Variants in ZNF599 observed in about 807,000 individuals in gnomAD.
ZNF599 encodes zinc finger protein 599.
A neutral mutation model predicts 11.7 loss-of-function variants in ZNF599; 10 were observed. The ratio of observed to expected loss-of-function variants is 0.86; its 90% confidence interval spans 0.53 to 1.45. The LOEUF (loss-of-function observed/expected upper bound fraction) is 1.45, where lower values mean the gene tolerates loss of function less well. Ranked by LOEUF, ZNF599 falls within the 40% of genes most tolerant of loss-of-function variation. The pLI is 0.00. For synonymous variants in ZNF599, 232 were observed against 253.2 expected (o/e 0.92, Z 0.79); for missense variants, 688 against 713.6 (o/e 0.96, Z 0.41).
upstream of ZNF599, among the ~76,000 whole-genome samples, chr19:34,777,394 A>ATTATT (rs2069223386): frequency 4.5e-5 from 4 of 88,794 alleles, no homozygotes; most frequent in Non-Finnish European, 6.0e-5. Context: ...ATTAATATAT[A>ATTATT]ATATATATTA....
rs867007595 is a variant in ZNF599 at position 34,772,772 on chromosome 19, T to G, written c.18+52A>C. The G allele has an allele frequency of 3.9e-6, 6 of 1,534,574 alleles. No homozygotes were observed. The South Asian group carries it at 6.0e-5, about 15-fold the overall frequency. Reference sequence around the variant, plus strand: ...CATCCGCCGTATTACAGCGGATGGGTGCATGCGGGCGGTGACCCGAGCTCG... The same window carrying G: ...CATCCGCCGTATTACAGCGGATGGGGGCATGCGGGCGGTGACCCGAGCTCG... On this transcript the variant is annotated intron_variant, in intron 1 of 3. Transcript: ENST00000329285.
chr19:34,758,929 C>T lies in ZNF599; in HGVS notation c.*105G>A. 4.8e-6 allele frequency: 6 copies of T among 1,245,594 alleles called. No homozygotes were observed. Among genetic ancestry groups the T allele is most frequent in the Non-Finnish European group, 6.7e-6 (6 of 893,532 alleles). 77.2% of individuals were successfully genotyped at this position (1,245,594 alleles called of 1,614,324 possible). On this transcript the variant is annotated 3_prime_UTR_variant, in exon 4 of 4. Coordinates refer to ENST00000329285, the MANE Select transcript of ZNF599 (RefSeq NM_001007248.3). ...AATTATCAGATACTAAGACATCTCT[C>T]TGGCCAAAATATTTCCCTCAATAGT...
At chr19:34,773,970 C>G (rs758757833), upstream of ZNF599, among the ~76,000 whole-genome samples, 1 of 152,182 alleles carries the variant, frequency 6.6e-6, no homozygotes, top group African/African-American at 2.4e-5. Context: ...TTTGCAGACT[C>G]TGATATTTGT....
upstream of ZNF599, among the ~76,000 whole-genome samples, chr19:34,777,169 GA>G: frequency 6.8e-6 from 1 of 147,370 alleles, no homozygotes; most frequent in Non-Finnish European, 1.5e-5. Context: ...TCTTAGATAT[GA>G]TACCAAAAGG....
chr19:34,767,157 G>T, intron 3 of ZNF599, 159 bp downstream of exon 3: 1 of 601,276 alleles, frequency 1.7e-6, no homozygotes, highest in Non-Finnish European at 3.0e-6. Flanking sequence ...TAAAGGCAAA[G>T]AGTGTGTGAC....
At chr19:34,786,459 ATTTT>A in the ZNF599 span, among the ~76,000 whole-genome samples, 2 of 151,982 alleles carry the variant, frequency 1.3e-5, no homozygotes, top group Non-Finnish European at 2.9e-5. Context: ...AAGCGTCATG[ATTTT>A]TTTAACACCT....
intron 1 of ZNF599, among the ~76,000 whole-genome samples, chr19:34,770,774 G>A (rs1005124200): frequency 2.0e-5 from 3 of 152,186 alleles, no homozygotes; most frequent in East Asian, 1.9e-4. Flanking sequence ...CACAAGACAC[G>A]TCAGCAGGTG....
At chr19:34,764,721 A>G (rs1354888187) in intron 3 of ZNF599, 1 of 152,208 alleles carries the variant, frequency 6.6e-6, no homozygotes, top group South Asian at 2.1e-4. Flanking sequence ...GAGTATAAAC[A>G]CTGACTACTT....
the ZNF599 span, among the ~76,000 whole-genome samples, chr19:34,781,811 G>A: frequency 2.0e-5 from 3 of 152,192 alleles, no homozygotes; most frequent in African/African-American, 7.2e-5. Flanking sequence ...GGTGTTCAGG[G>A]ACTATTAATG....
the ZNF599 span, among the ~76,000 whole-genome samples, chr19:34,795,433 C>T: frequency 1.3e-5 from 2 of 152,272 alleles, no homozygotes; most frequent in South Asian, 4.1e-4. Flanking sequence ...CACTACCCTG[C>T]CCAGCTATTT....
upstream of ZNF599, among the ~76,000 whole-genome samples, chr19:34,773,905 G>A (rs1377087620): frequency 6.6e-6 from 1 of 152,164 alleles, no homozygotes; most frequent in Non-Finnish European, 1.5e-5. Flanking sequence ...TTAATATTCT[G>A]TATTATTGGC....
At chr19:34,796,631 C>G in the ZNF599 span, among the ~76,000 whole-genome samples, 649 of 152,208 alleles carry the variant, frequency 4.3e-3, 4 homozygotes, top group African/African-American at 0.015. Flanking sequence ...TTTAAGAGGG[C>G]TAAATATCCT....
At chr19:34,767,541 A>G (rs1568494237) in intron 2 of ZNF599, 130 bp from the exon 3 acceptor site, 3 of 610,074 alleles carry the variant, frequency 4.9e-6, no homozygotes, top group Admixed American at 5.7e-5. Flanking sequence ...CTGCCTCACC[A>G]AAAGTATTCC....
intron 3 of ZNF599, chr19:34,762,694 T>C (rs1343898941): frequency 6.6e-6 from 1 of 152,232 alleles, no homozygotes; most frequent in Non-Finnish European, 1.5e-5. Context: ...TGAATGTTAG[T>C]AACTTACTGT....
chr19:34,781,161 A>C, the ZNF599 span, among the ~76,000 whole-genome samples: 1 of 151,444 alleles, frequency 6.6e-6, no homozygotes, highest in Non-Finnish European at 1.5e-5. Flanking sequence ...GTCTCAAAAA[A>C]AAATAAAAAT....
chr19:34,789,108 A>T, the ZNF599 span, among the ~76,000 whole-genome samples: 2 of 152,186 alleles, frequency 1.3e-5, no homozygotes, highest in African/African-American at 2.4e-5. Flanking sequence ...TCCCCTAGTG[A>T]CCATTCTACC....
the ZNF599 span, among the ~76,000 whole-genome samples, chr19:34,798,763 T>C: frequency 6.6e-6 from 1 of 152,248 alleles, no homozygotes; most frequent in Non-Finnish European, 1.5e-5. Flanking sequence ...AATTATTTTC[T>C]GGGATCCTTC....
intron 1 of ZNF599, among the ~76,000 whole-genome samples, chr19:34,770,722 G>A (rs1412725243): frequency 1.3e-5 from 2 of 152,200 alleles, no homozygotes; most frequent in Non-Finnish European, 2.9e-5. Flanking sequence ...CGTCTGTCCT[G>A]GGTGAGAATG....
intron 1 of ZNF599, 142 bp from the exon 2 acceptor site, chr19:34,769,697 T>C (rs1442805278): frequency 2.1e-6 from 2 of 974,144 alleles, no homozygotes; most frequent in Middle Eastern, 2.7e-4. Flanking sequence ...TGGAGGCAGA[T>C]GGTGCCGCTG....
Sources: allele counts gnomAD v4.1 joint callset (sites outside exome capture counted in the v4.1 genomes callset), GRCh38; gene constraint gnomAD v4.1.1; transcripts MANE v1.5; gene names NCBI Gene and HGNC (gene_info 2026-07-23, HGNC 2026-07-21).